MAP2K6: variants seen among roughly 807,000 people sequenced by gnomAD.
The protein encoded by MAP2K6 is mitogen-activated protein kinase kinase 6.
In MAP2K6, 16 loss-of-function variants were observed where a neutral mutation model predicts 53.7. That is an observed-to-expected ratio of 0.30 (90% CI 0.20 to 0.45). The LOEUF is 0.45. Ranked by LOEUF, MAP2K6 falls within the 20% of genes least tolerant of loss-of-function variation. MAP2K6 has a pLI of 1.00. For missense variants in MAP2K6, 204 were observed against 411.9 expected (o/e 0.50, Z 4.37); for synonymous variants, 132 against 143.1 (o/e 0.92, Z 0.55).
intron 1 of MAP2K6, among the ~76,000 whole-genome samples, chr17:69,428,475 C>T (rs140565680): frequency 3.0e-4 from 45 of 152,256 alleles, no homozygotes; most frequent in African/African-American, 8.9e-4. Flanking sequence ...AGTTAGGGCC[C>T]GCCCTACTCC....
intron 2 of MAP2K6, 101 bp from the exon 3 acceptor site, chr17:69,516,754 T>C (rs1057111772): frequency 3.5e-6 from 3 of 852,594 alleles, no homozygotes; most frequent in Non-Finnish European, 5.6e-6. Flanking sequence ...GAACTTCCAC[T>C]TTCTTCTTAA....
intron 1 of MAP2K6, among the ~76,000 whole-genome samples, chr17:69,482,530 T>G (rs1908383612): frequency 6.6e-6 from 1 of 152,044 alleles, no homozygotes; most frequent in African/African-American, 2.4e-5. Flanking sequence ...TTTTGCCATT[T>G]TCTTATACAA....
At chr17:69,422,762 A>T (rs775126578) in intron 1 of MAP2K6, among the ~76,000 whole-genome samples, 1 of 152,192 alleles carries the variant, frequency 6.6e-6, no homozygotes, top group Non-Finnish European at 1.5e-5. Flanking sequence ...TTGTTAACCA[A>T]TTTGCCCATG....
intron 1 of MAP2K6, among the ~76,000 whole-genome samples, chr17:69,430,445 C>CT (rs1314469786): frequency 1.3e-5 from 2 of 152,174 alleles, no homozygotes; most frequent in African/African-American, 4.8e-5. Flanking sequence ...ATCATGTGAG[C>CT]TTTTATTCCA....
chr17:69,481,906 TATATCCCTA>T (rs1226885769), intron 1 of MAP2K6, among the ~76,000 whole-genome samples: 1 of 152,230 alleles, frequency 6.6e-6, no homozygotes, highest in African/African-American at 2.4e-5. Context: ...TTCTTTTGGA[TATATCCCTA>T]GAAGTGGAGT....
At chr17:69,474,833 C>T (rs923298849) in intron 1 of MAP2K6, among the ~76,000 whole-genome samples, 2 of 152,218 alleles carry the variant, frequency 1.3e-5, no homozygotes, top group African/African-American at 4.8e-5. Flanking sequence ...GCGGTTTGCA[C>T]TTCTGTTTCC....
chr17:69,536,332 C>T (rs1911357068), intron 11 of MAP2K6, among the ~76,000 whole-genome samples, 172 bp downstream of exon 11: 1 of 152,224 alleles, frequency 6.6e-6, no homozygotes, highest in Admixed American at 6.5e-5. Flanking sequence ...CTACATCCTT[C>T]TTAAACATAG....
rs1055126676 is a variant in MAP2K6, at chr17:69,545,458, A to C, written c.*3705A>C. 1 of 152,208 alleles carries C rather than the reference A, an allele frequency of 6.6e-6. No individual in the cohort carries two copies. The highest frequency in any genetic ancestry group is 2.4e-5 in the African/African-American group (1 of 41,446). 9.4% of individuals were successfully genotyped at this position (152,208 alleles called of 1,614,324 possible). A position where few individuals can be genotyped will look rare whatever the true frequency, so the allele number is the denominator to read the frequency against. On this transcript the variant is annotated 3_prime_UTR_variant, in exon 12 of 12. Coordinates refer to ENST00000590474, the MANE Select transcript of MAP2K6 (RefSeq NM_002758.4). ...TTTTATCACAGTTAAGCCATCTGAA[A>C]TGGAAACGAGTATGTATGGGCATGG...
Position 69,511,165 on chromosome 17 carries a change from C to T in MAP2K6, c.83+5319C>T, listed in dbSNP as rs75622415. On this transcript the variant is annotated intron_variant, in intron 2 of 11. Transcript: ENST00000590474. ...GATAAAAGCAGTTTATATTTTCCCT[C>T]GTATGGTATTAATAAGGTATACTGT... 7.0e-3 allele frequency among the ~76,000 whole-genome samples: 1,059 copies of T among 152,188 alleles called. 8 individuals carry two copies. Among genetic ancestry groups the T allele is most frequent in the Non-Finnish European group, 0.01 (707 of 68,010 alleles).
chr17:69,495,201 A>G lies in MAP2K6; in HGVS notation c.17-10579A>G, dbSNP rs532534074. On this transcript the variant is annotated intron_variant, in intron 1 of 11. Transcript: ENST00000590474. ...TGTGATTCTGTTACTATTTAAGAAC[A>G]TCTTTATATATTGGTAAATTTCGTT... Among the ~76,000 whole-genome samples, 20 of 150,728 alleles carry G rather than the reference A, an allele frequency of 1.3e-4. No homozygotes were observed. The South Asian group carries it at 4.2e-3, about 31-fold the overall frequency.
chr17:69,428,537 T>A (rs1906344196), intron 1 of MAP2K6, among the ~76,000 whole-genome samples: 1 of 152,208 alleles, frequency 6.6e-6, no homozygotes, highest in Admixed American at 6.5e-5. Context: ...ATGCTGAGGG[T>A]TAGCTGAGGG....
At chr17:69,470,033 C>T (rs1237212739) in intron 1 of MAP2K6, among the ~76,000 whole-genome samples, 2 of 151,910 alleles carry the variant, frequency 1.3e-5, no homozygotes, top group African/African-American at 4.8e-5. Context: ...AAAACCCCAT[C>T]TCTACAAAAA....
intron 1 of MAP2K6, among the ~76,000 whole-genome samples, chr17:69,424,739 AG>A (rs2145130534): frequency 1.3e-5 from 2 of 152,344 alleles, no homozygotes; most frequent in South Asian, 4.1e-4. Context: ...GTAATTAAGA[AG>A]GGCTGACCTG....
intron 1 of MAP2K6, among the ~76,000 whole-genome samples, chr17:69,442,318 T>C (rs1236966342): frequency 1.3e-5 from 2 of 152,166 alleles, no homozygotes; most frequent in Non-Finnish European, 2.9e-5. Context: ...CTCTGGATTT[T>C]ACCTCTCATG....
At chr17:69,458,973 A>G (rs1907518919) in intron 1 of MAP2K6, among the ~76,000 whole-genome samples, 1 of 152,150 alleles carries the variant, frequency 6.6e-6, no homozygotes, top group South Asian at 2.1e-4. Context: ...TGGCAACCTT[A>G]TAAAAAAATT....
chr17:69,457,028 G>T (rs1370989510), intron 1 of MAP2K6, among the ~76,000 whole-genome samples: 1 of 152,162 alleles, frequency 6.6e-6, no homozygotes, highest in African/African-American at 2.4e-5. Flanking sequence ...TGCATATGCT[G>T]TTCCCTTCTA....
intron 1 of MAP2K6, among the ~76,000 whole-genome samples, chr17:69,440,950 C>CAGCATGAA (rs1389847668): frequency 2.0e-5 from 3 of 152,058 alleles, no homozygotes; most frequent in African/African-American, 7.2e-5. Flanking sequence ...GGAGTTTGCA[C>CAGCATGAA]AGCATGAATC....
Position 69,432,997 on chromosome 17 carries a change from A to T in MAP2K6, c.16+17997A>T, listed in dbSNP as rs180893181. 4 of 152,338 alleles carry T rather than the reference A, an allele frequency of 2.6e-5. No individual in the cohort carries two copies. In the East Asian group the frequency reaches 7.7e-4, roughly 29 times the overall value. 9.4% of individuals were successfully genotyped at this position (152,338 alleles called of 1,614,324 possible). On this transcript the variant is annotated intron_variant, in intron 1 of 11. Coordinates refer to ENST00000590474, the MANE Select transcript of MAP2K6 (RefSeq NM_002758.4). ...TACCCTCTGGTGAACAAACTGAGGCAATGCTCTTGAACCAAGAGAACCAGA... is the reference window on the plus strand; with the variant it reads ...TACCCTCTGGTGAACAAACTGAGGCTATGCTCTTGAACCAAGAGAACCAGA...
At chr17:69,422,868 G>A (rs1567812718) in intron 1 of MAP2K6, among the ~76,000 whole-genome samples, 1 of 152,064 alleles carries the variant, frequency 6.6e-6, no homozygotes, top group Admixed American at 6.6e-5. Context: ...AGCTTCAGCT[G>A]TTGTTTTTGT....
Sources: allele counts gnomAD v4.1 joint callset (sites outside exome capture counted in the v4.1 genomes callset), GRCh38; gene constraint gnomAD v4.1.1; transcripts MANE v1.5; gene names NCBI Gene and HGNC (gene_info 2026-07-23, HGNC 2026-07-21).